PLEKHM3: variants seen among roughly 807,000 people sequenced by gnomAD.
PLEKHM3 encodes pleckstrin homology domain containing M3, also known as pleckstrin homology domain-containing family M member 3.
PLEKHM3 carries 45 observed loss-of-function variants against 81.8 expected under a neutral mutation model. That is an observed-to-expected ratio of 0.55 (90% CI 0.43 to 0.71). PLEKHM3 has a LOEUF of 0.71. Among genes scored for constraint, PLEKHM3 ranks in the 30% least tolerant of loss-of-function variants. The probability of loss-of-function intolerance (pLI) is 0.00; values close to 1 mark genes in which losing one functional copy is unlikely to be tolerated. For missense variants in PLEKHM3, 788 were observed against 924.3 expected (o/e 0.85, Z 1.91); for synonymous variants, 352 against 356.4 (o/e 0.99, Z 0.14).
chr2:208,023,433 C>G (rs558766171), intron 1 of PLEKHM3, among the ~76,000 whole-genome samples: 1 of 152,254 alleles, frequency 6.6e-6, no homozygotes, highest in Admixed American at 6.5e-5. Flanking sequence ...AACCAGGAGT[C>G]CCCAACCCCC....
At chr2:208,002,610 G>C (rs1692348320) in intron 1 of PLEKHM3, among the ~76,000 whole-genome samples, 1 of 152,112 alleles carries the variant, frequency 6.6e-6, no homozygotes, top group Non-Finnish European at 1.5e-5. Flanking sequence ...AGAGCTTAAG[G>C]TGAAGTCATG....
intron 3 of PLEKHM3, among the ~76,000 whole-genome samples, chr2:207,957,485 T>A (rs1690555564): frequency 6.6e-6 from 1 of 152,178 alleles, no homozygotes; most frequent in Admixed American, 6.5e-5. Context: ...GATCATTAGA[T>A]CAGGAGTTCA....
rs373920637 is a variant in PLEKHM3 at position 207,858,174 on chromosome 2, G to GTGTGTGTATATA, written c.2108+2930_2108+2931insTATATACACACA. Among the ~76,000 whole-genome samples, 849 of 123,214 alleles carry GTGTGTGTATATA rather than the reference G, an allele frequency of 6.9e-3. 10 individuals carry two copies. Among genetic ancestry groups the GTGTGTGTATATA allele is most frequent in the African/African-American group, 0.026 (734 of 28,296 alleles). 80.8% of individuals were successfully genotyped at this position (123,214 alleles called of 152,430 possible). A position where few individuals can be genotyped will look rare whatever the true frequency, so the allele number is the denominator to read the frequency against. On this transcript the variant is annotated intron_variant, in intron 7 of 7. Coordinates refer to ENST00000427836, the MANE Select transcript of PLEKHM3 (RefSeq NM_001080475.3). Reference sequence around the variant, plus strand: ...TGTGTGTGTGTGTGTGTGTGTGTGTGTATATATTTTTTTTTTTGAGATGAA... The same window carrying GTGTGTGTATATA: ...TGTGTGTGTGTGTGTGTGTGTGTGTGTGTGTGTATATATATATATTTTTTTTTTTGAGATGAA...
chr2:207,847,197 A>G (rs1311709187), intron 7 of PLEKHM3, among the ~76,000 whole-genome samples: 1 of 152,220 alleles, frequency 6.6e-6, no homozygotes, highest in East Asian at 1.9e-4. Context: ...TAAATGCACC[A>G]TATTTATCAA....
rs1689343879 is a variant in PLEKHM3, at chr2:207,925,094, CT to C, written c.1886+5831del. On this transcript the variant is annotated intron_variant, in intron 5 of 7. Coordinates refer to ENST00000427836, the MANE Select transcript of PLEKHM3 (RefSeq NM_001080475.3). ...AGGGAAATGGAGACAGTTCTGAGTG[CT>C]TAAGATGGGATCTTAGGTGGTAGTA... Among the ~76,000 whole-genome samples, 5 of 150,046 alleles carry C rather than the reference CT, an allele frequency of 3.3e-5. No homozygotes were observed. In the South Asian group the frequency reaches 1.1e-3, roughly 32 times the overall value.
intron 6 of PLEKHM3, among the ~76,000 whole-genome samples, chr2:207,879,517 A>G (rs1226673187): frequency 6.6e-6 from 1 of 152,250 alleles, no homozygotes; most frequent in African/African-American, 2.4e-5. Context: ...TTCCTACTGC[A>G]AGCTCTGGAT....
intron 5 of PLEKHM3, among the ~76,000 whole-genome samples, chr2:207,912,429 G>C (rs1688838077): frequency 6.6e-6 from 1 of 152,102 alleles, no homozygotes; most frequent in South Asian, 2.1e-4. Flanking sequence ...ATTTACATGA[G>C]GTCAGTCATA....
In PLEKHM3 at chr2:208,001,538, T is replaced by C. The variant is rs756045544; in HGVS notation, c.102A>G (p.Ala34=). 9 of 1,614,206 alleles carry C rather than the reference T, an allele frequency of 5.6e-6. No individual in the cohort carries two copies. Among genetic ancestry groups the C allele is most frequent in the Non-Finnish European group, 7.6e-6 (9 of 1,180,030 alleles). Reference sequence around the variant, plus strand: ...GGACTTCCTGGATCCCATAAACCTCTGCCTGCTGCACAGCCTTTTCTAGAT... The same window carrying C: ...GGACTTCCTGGATCCCATAAACCTCCGCCTGCTGCACAGCCTTTTCTAGAT... ...DSNLEKAVQQ[A]EVYGIQEVPE... The change falls in exon 2 of 8, where the codon GCA becomes GCG. Residue 34 remains alanine (A), a synonymous_variant. Coordinates refer to ENST00000427836, the MANE Select transcript of PLEKHM3 (RefSeq NM_001080475.3).
chr2:207,880,829 A>T (rs1237591709), intron 6 of PLEKHM3, among the ~76,000 whole-genome samples: 3 of 143,776 alleles, frequency 2.1e-5, no homozygotes. Flanking sequence ...AAAAACAAAT[A>T]AAAAATAGAT....
chr2:207,826,504 G>A lies in PLEKHM3; in HGVS notation c.*1815C>T, dbSNP rs996784189. 1.3e-5 allele frequency: 2 copies of A among 152,156 alleles called. No individual in the cohort carries two copies. Among genetic ancestry groups the A allele is most frequent in the Non-Finnish European group, 1.5e-5 (1 of 68,028 alleles). The allele number at this position is 152,156 out of a possible 1,614,324, so 9.4% of individuals were successfully genotyped here. On this transcript the variant is annotated 3_prime_UTR_variant, in exon 8 of 8. Transcript: ENST00000427836. ...TAACAAGTTTTCAAGCCTTGGTTGC[G>A]GCTACTGTATAGTCAGAAAATAAAT...
chr2:207,972,669 G>A (rs1691169689), intron 3 of PLEKHM3, among the ~76,000 whole-genome samples: 2 of 151,374 alleles, frequency 1.3e-5, no homozygotes, highest in Admixed American at 6.6e-5. Flanking sequence ...AAGAAGCCAC[G>A]GAACAGTCAC....
chr2:207,828,745 G>A (rs867391460), intron 7 of PLEKHM3, among the ~76,000 whole-genome samples: 16 of 152,198 alleles, frequency 1.1e-4, no homozygotes, highest in African/African-American at 3.4e-4. Context: ...GGAGTCCGCA[G>A]TCACCCAGCA....
intron 3 of PLEKHM3, among the ~76,000 whole-genome samples, chr2:207,947,518 T>A (rs1351448921): frequency 6.6e-6 from 1 of 152,220 alleles, no homozygotes; most frequent in Non-Finnish European, 1.5e-5. Flanking sequence ...TCCTGGCAGA[T>A]CCAGAACAGG....
At chr2:207,842,038 G>C (rs1324247110) in intron 7 of PLEKHM3, among the ~76,000 whole-genome samples, 1 of 152,124 alleles carries the variant, frequency 6.6e-6, no homozygotes, top group East Asian at 1.9e-4. Context: ...CCCGGGTTCA[G>C]GCCATTTTCC....
intron 4 of PLEKHM3, among the ~76,000 whole-genome samples, chr2:207,945,787 G>C (rs1480803089): frequency 6.6e-6 from 1 of 151,980 alleles, no homozygotes; most frequent in Non-Finnish European, 1.5e-5. Flanking sequence ...TGTAATTCCA[G>C]CTACTTGGGA....
chr2:207,833,876 G>A (rs997975016), intron 7 of PLEKHM3, among the ~76,000 whole-genome samples: 2 of 152,142 alleles, frequency 1.3e-5, no homozygotes, highest in Non-Finnish European at 2.9e-5. Flanking sequence ...AACCAATAAG[G>A]TCCAGTGTAG....
chr2:207,865,801 A>AAAAAAAAAAAAAAAAAAAAAT, intron 6 of PLEKHM3, among the ~76,000 whole-genome samples: 2 of 25,300 alleles, frequency 7.9e-5, no homozygotes, highest in African/African-American at 2.1e-4. Context: ...AAAAAAAAAA[A>AAAAAAAAAAAAAAAAAAAAAT]AGATATATAT....
At chr2:208,004,409 C>T (rs903914041) in intron 1 of PLEKHM3, among the ~76,000 whole-genome samples, 4 of 109,436 alleles carry the variant, frequency 3.7e-5, no homozygotes, top group African/African-American at 1.1e-4. Flanking sequence ...CAGAGCAATG[C>T]CCTGTCTCAA....
Position 207,953,387 on chromosome 2 carries a change from AG to A in PLEKHM3, c.1547-6876del, listed in dbSNP as rs887452419. Among the ~76,000 whole-genome samples, 126 of 105,584 alleles carry A rather than the reference AG, an allele frequency of 1.2e-3. 1 individual carries two copies. The highest frequency in any genetic ancestry group is 3.3e-3 in the African/African-American group (112 of 33,776). The allele number at this position is 105,584 out of a possible 152,430, so 69.3% of individuals were successfully genotyped here. ...ACACAAAAATTCATTTCTGTTCATC[AG>A]AATTTTTTTTTTCTGATGGGCTTCG... is the stretch of plus-strand genomic sequence containing the variant. On this transcript the variant is annotated intron_variant, in intron 3 of 7. Coordinates refer to ENST00000427836, the MANE Select transcript of PLEKHM3 (RefSeq NM_001080475.3).
Sources: gnomAD v4.1 joint callset for allele counts (sites outside exome capture counted in the v4.1 genomes callset) on GRCh38, gnomAD v4.1.1 for gene constraint, MANE v1.5 for transcripts, NCBI Gene and HGNC (gene_info 2026-07-23, HGNC 2026-07-21) for gene names.